AMD1: variants seen among roughly 807,000 people sequenced by gnomAD.
AMD1 encodes the protein adenosylmethionine decarboxylase 1.
In AMD1, 11 loss-of-function variants were observed where a neutral mutation model predicts 40.2. The ratio of observed to expected loss-of-function variants is 0.27; its 90% CI spans 0.17 to 0.45. AMD1 has a LOEUF of 0.45. Among genes scored for constraint, AMD1 ranks in the 20% least tolerant of loss-of-function variants. The pLI, the probability that AMD1 is intolerant of heterozygous loss-of-function variation, is 1.00. For missense variants in AMD1, 257 were observed against 410.2 expected (o/e 0.63, Z 3.23); for synonymous variants, 121 against 130.8 (o/e 0.93, Z 0.51).
At chr6:110,836,820 A>G in the AMD1 span, among the ~76,000 whole-genome samples, 9 of 152,062 alleles carry the variant, frequency 5.9e-5, no homozygotes, top group Non-Finnish European at 1.0e-4. Context: ...GAGATTATTT[A>G]TAGGCTGGTG....
chr6:110,829,886 C>A, the AMD1 span, among the ~76,000 whole-genome samples: 1 of 152,028 alleles, frequency 6.6e-6, no homozygotes, highest in Admixed American at 6.6e-5. Flanking sequence ...TTTCTGAGAA[C>A]CCTGAAGGCT....
At chr6:110,853,685 C>T in the AMD1 span, among the ~76,000 whole-genome samples, 1 of 152,182 alleles carries the variant, frequency 6.6e-6, no homozygotes, top group Non-Finnish European at 1.5e-5. Context: ...AAGCGATCCT[C>T]TCACCTCAGC....
At chr6:110,876,195 A>G (rs759703523) in intron 1 of AMD1, among the ~76,000 whole-genome samples, 4 of 152,248 alleles carry the variant, frequency 2.6e-5, no homozygotes, top group Non-Finnish European at 5.9e-5. Context: ...CCATGCTTAT[A>G]TAAAAGCCCA....
the AMD1 span, among the ~76,000 whole-genome samples, chr6:110,831,531 G>A: frequency 1.3e-5 from 2 of 152,058 alleles, no homozygotes; most frequent in Non-Finnish European, 2.9e-5. Flanking sequence ...TTGGGCTCAA[G>A]CAATCCTCCC....
At chr6:110,884,132 T>A (rs1785560317) in intron 1 of AMD1, among the ~76,000 whole-genome samples, 1 of 152,166 alleles carries the variant, frequency 6.6e-6, no homozygotes, top group Non-Finnish European at 1.5e-5. Flanking sequence ...GGCAAATAAG[T>A]GGGGCAGATG....
At chr6:110,838,281 C>T in the AMD1 span, among the ~76,000 whole-genome samples, 2 of 148,138 alleles carry the variant, frequency 1.4e-5, no homozygotes, top group Non-Finnish European at 3.0e-5. Flanking sequence ...CCCAGCTACT[C>T]GGGAGGCTGA....
chr6:110,837,892 G>A, the AMD1 span, among the ~76,000 whole-genome samples: 10 of 148,944 alleles, frequency 6.7e-5, no homozygotes, highest in African/African-American at 2.5e-4. Flanking sequence ...GTGAAGCCCC[G>A]TCTCTACTAA....
chr6:110,858,947 T>C, the AMD1 span: 4 of 1,035,972 alleles, frequency 3.9e-6, no homozygotes, highest in Admixed American at 3.4e-5. Context: ...CCGACAAGTG[T>C]GACAACTCCT....
chr6:110,834,880 T>G, the AMD1 span, among the ~76,000 whole-genome samples: 2 of 143,816 alleles, frequency 1.4e-5, no homozygotes, highest in Admixed American at 7.1e-5. Flanking sequence ...ACCCAGGAGG[T>G]GGAGGTTGCA....
chr6:110,833,630 A>T, the AMD1 span, among the ~76,000 whole-genome samples: 194 of 152,336 alleles, frequency 1.3e-3, 1 homozygote, highest in African/African-American at 4.5e-3. Flanking sequence ...TAATTTGATT[A>T]ATTAAAGTTG....
chr6:110,833,711 T>C, the AMD1 span, among the ~76,000 whole-genome samples: 4 of 152,202 alleles, frequency 2.6e-5, no homozygotes, highest in African/African-American at 9.6e-5. Context: ...TTCTTTACCC[T>C]CTTAAAAGCT....
the AMD1 span, among the ~76,000 whole-genome samples, chr6:110,861,802 A>G: frequency 1.3e-5 from 2 of 152,110 alleles, no homozygotes; most frequent in African/African-American, 4.8e-5. Flanking sequence ...AGATTGCGCC[A>G]CTGCACTCCA....
At chr6:110,828,972 C>T in the AMD1 span, among the ~76,000 whole-genome samples, 1 of 152,116 alleles carries the variant, frequency 6.6e-6, no homozygotes, top group Non-Finnish European at 1.5e-5. Context: ...GAGTTCAAGA[C>T]CACCCTGGCC....
At chr6:110,830,581 T>C in the AMD1 span, among the ~76,000 whole-genome samples, 1 of 152,206 alleles carries the variant, frequency 6.6e-6, no homozygotes, top group African/African-American at 2.4e-5. Context: ...TAAAACTGGG[T>C]ATAAATATGA....
At chr6:110,830,093 C>A in the AMD1 span, among the ~76,000 whole-genome samples, 1 of 151,982 alleles carries the variant, frequency 6.6e-6, no homozygotes, top group Admixed American at 6.6e-5. Context: ...CGGCTCACTG[C>A]AACCTCCACC....
At chr6:110,876,921 G>T (rs879442418) in intron 1 of AMD1, among the ~76,000 whole-genome samples, 4 of 152,178 alleles carry the variant, frequency 2.6e-5, no homozygotes. Flanking sequence ...GTAAGTACAT[G>T]TTCTTAATAA....
the AMD1 span, among the ~76,000 whole-genome samples, chr6:110,831,867 A>G: frequency 6.6e-6 from 1 of 152,022 alleles, no homozygotes; most frequent in African/African-American, 2.4e-5. Context: ...TTTTTTAGAC[A>G]GGGTCACAGT....
chr6:110,879,623 T>C (rs1240064044), intron 1 of AMD1, among the ~76,000 whole-genome samples: 1 of 152,210 alleles, frequency 6.6e-6, no homozygotes, highest in Non-Finnish European at 1.5e-5. Context: ...GGTTTTAGGA[T>C]GCCTTTTACC....
chr6:110,845,266 T>C, the AMD1 span, among the ~76,000 whole-genome samples: 1 of 151,972 alleles, frequency 6.6e-6, no homozygotes, highest in African/African-American at 2.4e-5. Context: ...CTCCAACTCC[T>C]GACCTCAACC....
Sources: allele counts gnomAD v4.1 joint callset (sites outside exome capture counted in the v4.1 genomes callset), GRCh38; gene constraint gnomAD v4.1.1; transcripts MANE v1.5; gene names NCBI Gene and HGNC (gene_info 2026-07-23, HGNC 2026-07-21).